The following DOCK8 variants were observed in gnomAD, a reference collection of about 807,000 sequenced individuals.
DOCK8 encodes the protein dedicator of cytokinesis 8.
Under a neutral mutation model 245.6 loss-of-function variants are expected in DOCK8, and 141 were observed. That is an observed-to-expected ratio of 0.57 (90% CI 0.50 to 0.66). The LOEUF (loss-of-function observed/expected upper bound fraction) is 0.66, where lower values mean the gene tolerates loss of function less well. Ranked by LOEUF, DOCK8 falls within the 30% of genes least tolerant of loss-of-function variation. The pLI, the probability that DOCK8 is intolerant of heterozygous loss-of-function variation, is 0.00. For missense variants in DOCK8, 2,965 were observed against 2,603.4 expected (o/e 1.14, Z -3.02); for synonymous variants, 1,168 against 970.2 (o/e 1.20, Z -3.79).
chr9:242,925 T>G (rs1049724292), intron 1 of DOCK8, among the ~76,000 whole-genome samples: 1 of 152,164 alleles, frequency 6.6e-6, no homozygotes, highest in African/African-American at 2.4e-5. Flanking sequence ...AGAGGTAGCC[T>G]TACAGCATCA....
intron 24 of DOCK8, among the ~76,000 whole-genome samples, chr9:394,360 A>G (rs1376303803): frequency 1.3e-5 from 2 of 152,244 alleles, no homozygotes; most frequent in East Asian, 1.9e-4. Context: ...AAGGTGCCCA[A>G]TTCTTCATAC....
intron 1 of DOCK8, among the ~76,000 whole-genome samples, chr9:242,505 C>A (rs568610830): frequency 6.6e-6 from 1 of 152,242 alleles, no homozygotes; most frequent in Non-Finnish European, 1.5e-5. Flanking sequence ...AAAATTAATT[C>A]TTGCATTTAT....
intron 46 of DOCK8, among the ~76,000 whole-genome samples, chr9:462,538 G>C (rs995782620): frequency 3.9e-5 from 6 of 152,174 alleles, no homozygotes; most frequent in Admixed American, 2.6e-4. Context: ...CCCTGGCCAA[G>C]GCCACATCAC....
intron 1 of DOCK8, among the ~76,000 whole-genome samples, chr9:239,667 G>A (rs12342533): frequency 0.14 from 20,762 of 152,078 alleles, 2,530 homozygotes; most frequent in African/African-American, 0.33. Context: ...AGAAGTGCAG[G>A]TAAGCAAATA....
At chr9:358,885 A>C (rs1406018714) in intron 14 of DOCK8, among the ~76,000 whole-genome samples, 2 of 152,176 alleles carry the variant, frequency 1.3e-5, no homozygotes. Flanking sequence ...AAAACCTGCA[A>C]ATTTGAGCTG....
intron 1 of DOCK8, among the ~76,000 whole-genome samples, chr9:234,010 G>C (rs2047186190): frequency 6.6e-6 from 1 of 152,096 alleles, no homozygotes; most frequent in Non-Finnish European, 1.5e-5. Flanking sequence ...TTTACAATTT[G>C]GCATGTTTTT....
chr9:216,197 A>T (rs942616351), intron 1 of DOCK8, among the ~76,000 whole-genome samples: 4 of 152,100 alleles, frequency 2.6e-5, no homozygotes, highest in African/African-American at 9.7e-5. Flanking sequence ...ATTTATGTAT[A>T]TTGCATATTA....
chr9:433,175 T>C (rs2056777697), intron 37 of DOCK8, among the ~76,000 whole-genome samples: 1 of 152,220 alleles, frequency 6.6e-6, no homozygotes, highest in South Asian at 2.1e-4. Context: ...ATCATTTATA[T>C]AGAGGTATTC....
At chr9:392,683 G>A (rs1564001718) in intron 24 of DOCK8, among the ~76,000 whole-genome samples, 2 of 151,970 alleles carry the variant, frequency 1.3e-5, no homozygotes, top group Non-Finnish European at 1.5e-5. Context: ...TCCAAAAGCC[G>A]AGCTAATTAA....
At chr9:392,584 G>A (rs1470321812) in intron 24 of DOCK8, among the ~76,000 whole-genome samples, 1 of 152,066 alleles carries the variant, frequency 6.6e-6, no homozygotes, top group Non-Finnish European at 1.5e-5. Flanking sequence ...TGATCCACTG[G>A]TCTACACCAC....
chr9:299,636 T>A (rs1461461748), intron 4 of DOCK8, among the ~76,000 whole-genome samples: 2 of 152,138 alleles, frequency 1.3e-5, no homozygotes, highest in African/African-American at 4.8e-5. Flanking sequence ...GTTTATTTTT[T>A]TTTTCATTTC....
chr9:316,968 C>T, intron 6 of DOCK8, 75 bp from the exon 7 acceptor site: 1 of 1,212,110 alleles, frequency 8.3e-7, no homozygotes, highest in Non-Finnish European at 1.2e-6. Flanking sequence ...GTAGCCTTCC[C>T]TTCCCTGGGT....
chr9:459,574 T>C (rs2057741143), intron 46 of DOCK8: 1 of 152,286 alleles, frequency 6.6e-6, no homozygotes, highest in Admixed American at 6.5e-5. Context: ...TATGATGTGG[T>C]CATGATGGCT....
At chr9:216,497 A>AGCCT (rs1211047813) in intron 1 of DOCK8, among the ~76,000 whole-genome samples, 1 of 138,620 alleles carries the variant, frequency 7.2e-6, no homozygotes, top group Non-Finnish European at 1.5e-5. Context: ...ACTGCATTCC[A>AGCCT]GCCTGGGTGA....
chr9:398,035 G>A (rs948346733), intron 25 of DOCK8, among the ~76,000 whole-genome samples: 9 of 152,334 alleles, frequency 5.9e-5, no homozygotes, highest in South Asian at 4.1e-4. Flanking sequence ...TCGCTTTGTC[G>A]TTATTGAGAA....
At chr9:338,395 A>G (rs2051419044) in intron 12 of DOCK8, among the ~76,000 whole-genome samples, 1 of 152,170 alleles carries the variant, frequency 6.6e-6, no homozygotes, top group African/African-American at 2.4e-5. Flanking sequence ...TATTCAGCAT[A>G]CATGTACCCT....
intron 21 of DOCK8, among the ~76,000 whole-genome samples, chr9:382,260 A>G (rs2053750059): frequency 6.6e-6 from 1 of 152,078 alleles, no homozygotes; most frequent in Admixed American, 6.6e-5. Context: ...AGCCAGTAGT[A>G]CCCCCTGCCT....
chr9:250,609 A>T (rs680567), intron 1 of DOCK8, among the ~76,000 whole-genome samples: 33,898 of 152,064 alleles, frequency 0.22, 4,419 homozygotes, highest in East Asian at 0.39. Context: ...CTCAATTCCA[A>T]ATTTATCATA....
At chr9:414,116 T>C (rs1391761034) in intron 28 of DOCK8, among the ~76,000 whole-genome samples, 1 of 144,322 alleles carries the variant, frequency 6.9e-6, no homozygotes, top group Non-Finnish European at 1.5e-5. Context: ...CACTCCAGCC[T>C]GAACAACTCC....
Sources: allele counts gnomAD v4.1 joint callset (sites outside exome capture counted in the v4.1 genomes callset), GRCh38; gene constraint gnomAD v4.1.1; transcripts MANE v1.5; gene names NCBI Gene and HGNC (gene_info 2026-07-23, HGNC 2026-07-21).